Variants in EPRS1 observed in about 807,000 individuals in gnomAD.
EPRS1 encodes glutamyl-prolyl-tRNA synthetase 1.
Under a neutral mutation model 188.3 loss-of-function variants are expected in EPRS1, and 107 were observed. The ratio of observed to expected loss-of-function variants is 0.57; its 90% CI spans 0.49 to 0.67. The LOEUF is 0.67. Ranked by LOEUF, EPRS1 falls within the 30% of genes least tolerant of loss-of-function variation. The pLI is 0.00. For missense variants in EPRS1, 1,577 were observed against 1,802.2 expected, an observed-to-expected ratio of 0.88 and a Z score of 2.26; for synonymous variants, 596 against 593.1, an observed-to-expected ratio of 1.00 and a Z score of -0.07.
At chr1:220,011,139 C>T (rs1039666871) in intron 12 of EPRS1, 83 bp from the exon 13 acceptor site, 7 of 750,060 alleles carry the variant, frequency 9.3e-6, no homozygotes, top group African/African-American at 8.8e-5. Flanking sequence ...CACAGGAATA[C>T]TAACTGGCTT....
intron 21 of EPRS1, among the ~76,000 whole-genome samples, chr1:219,983,982 TAA>T (rs879344601): frequency 6.9e-6 from 1 of 145,070 alleles, no homozygotes. Context: ...TTATCTCACC[TAA>T]AAAAAAAAAA....
intron 14 of EPRS1, 40 bp downstream of exon 14, chr1:220,007,162 T>G: frequency 1.3e-6 from 2 of 1,540,136 alleles, no homozygotes; most frequent in Non-Finnish European, 1.8e-6. Flanking sequence ...TAAAATACTT[T>G]TCTCCTATGT....
At chr1:219,979,852 C>T (rs1660858943) in intron 26 of EPRS1, among the ~76,000 whole-genome samples, 2 of 152,050 alleles carry the variant, frequency 1.3e-5, no homozygotes, top group Admixed American at 1.3e-4. Context: ...AGTAATTTTA[C>T]CTACAACAGT....
At chr1:219,987,801 A>T (rs1396731978) in intron 19 of EPRS1, among the ~76,000 whole-genome samples, 1 of 152,226 alleles carries the variant, frequency 6.6e-6, no homozygotes, top group East Asian at 1.9e-4. Flanking sequence ...AATAGTAGTC[A>T]TGTGGCTGAA....
At chr1:219,974,990 C>A (rs937512137) in intron 28 of EPRS1, among the ~76,000 whole-genome samples, 1 of 152,130 alleles carries the variant, frequency 6.6e-6, no homozygotes, top group Admixed American at 6.6e-5. Flanking sequence ...GTAAATTATT[C>A]GTCCGAATTA....
Position 219,997,738 on chromosome 1 carries a change from T to A in EPRS1, c.2182-396A>T, listed in dbSNP as rs532891033. 9.9e-5 allele frequency among the ~76,000 whole-genome samples: 15 copies of A among 152,284 alleles called. No homozygotes were observed. The South Asian group carries it at 3.1e-3, about 32-fold the overall frequency. ...ACTATAAAAGGGGGATAACCATACT[T>A]AACCCATCAAGTTGATGGGAAAATA... On this transcript the variant is annotated intron_variant, in intron 17 of 31. Transcript: ENST00000366923.
chr1:220,027,190 C>T (rs961049864), intron 6 of EPRS1, among the ~76,000 whole-genome samples: 4 of 151,296 alleles, frequency 2.6e-5, no homozygotes, highest in East Asian at 2.0e-4. Context: ...TTTGGGAGGT[C>T]GAGGCAGGTG....
At chr1:219,974,409 T>C (rs1660735728) in intron 28 of EPRS1, among the ~76,000 whole-genome samples, 1 of 152,200 alleles carries the variant, frequency 6.6e-6, no homozygotes, top group African/African-American at 2.4e-5. Flanking sequence ...TGAATGTGTA[T>C]CCCGTAAGGG....
At chr1:219,976,754 T>C (rs1053153126) in intron 28 of EPRS1, among the ~76,000 whole-genome samples, 1 of 152,048 alleles carries the variant, frequency 6.6e-6, no homozygotes, top group Non-Finnish European at 1.5e-5. Flanking sequence ...TGAAAGGGGA[T>C]AATGAAAAGT....
chr1:220,009,043 C>T (rs1661550954), intron 13 of EPRS1, among the ~76,000 whole-genome samples: 3 of 152,114 alleles, frequency 2.0e-5, no homozygotes, highest in African/African-American at 7.2e-5. Context: ...CTTTTATTCT[C>T]AAGATTCAAA....
rs1263558383 is a variant in EPRS1 at position 220,001,171 on chromosome 1, C to A, written c.2148G>T (p.Lys716Asn). The stretch of plus-strand genomic sequence containing the variant: ...TTGTGGCTTCTACTTTGGTCTTTTC[C>A]TTTGACCCTGATGTTGGCATTTCCT... ...HTKEMPTSGS[K>N]EKTKVEATKN... The change falls in exon 17 of 32, where the codon AAG becomes AAT. Residue 716 changes from lysine to asparagine, a missense_variant. Lys to Asn is a moderately conservative substitution (Grantham distance 94, BLOSUM62 0). This residue lies in a region of EPRS1 where 1,278 missense variants were observed against 1,457.4 expected (regional missense o/e 0.88). Transcript: ENST00000366923. 1 of 1,613,528 alleles carries A rather than the reference C, an allele frequency of 6.2e-7. No individual in the cohort carries two copies. Among genetic ancestry groups the A allele is most frequent in the Non-Finnish European group, 8.5e-7 (1 of 1,179,622 alleles).
chr1:220,039,389 C>T (rs1253224166), intron 2 of EPRS1, among the ~76,000 whole-genome samples: 1 of 152,232 alleles, frequency 6.6e-6, no homozygotes. Context: ...AAACAGACTA[C>T]ATGGGGAATC....
intron 30 of EPRS1, 148 bp from the exon 31 acceptor site, chr1:219,969,270 C>T (rs2270712): frequency 0.47 from 295,650 of 628,682 alleles, 70,143 homozygotes; most frequent in South Asian, 0.52. Context: ...TGCAAACCTA[C>T]TAGGAACTTT....
rs74139256 is a variant in EPRS1 at position 219,975,152 on chromosome 1, G to C, written c.4084-1754C>G. ...CTGGATCCTACACTGAAAAAGGAGAGGGCCACTGGTAGCCCACAGCAGGGT... is the reference window on the plus strand; with the variant it reads ...CTGGATCCTACACTGAAAAAGGAGACGGCCACTGGTAGCCCACAGCAGGGT... On this transcript the variant is annotated intron_variant, in intron 28 of 31. Transcript: ENST00000366923. 4.2e-3 allele frequency among the ~76,000 whole-genome samples: 637 copies of C among 152,186 alleles called. 6 individuals are homozygous for C. Among genetic ancestry groups the C allele is most frequent in the African/African-American group, 0.015 (623 of 41,514 alleles).
intron 6 of EPRS1, among the ~76,000 whole-genome samples, chr1:220,026,236 C>A (rs1014986378): frequency 1.1e-4 from 16 of 152,136 alleles, no homozygotes; most frequent in African/African-American, 3.9e-4. Flanking sequence ...GTCTCATCAG[C>A]ACCAACACTC....
At position 220,032,474 on chromosome 1, in the gene EPRS1, T is replaced by A. The variant is rs759611029; in HGVS notation, c.441A>T (p.Val147=). Residue 147 remains valine, a synonymous_variant, in exon 5 of 32, where the codon GTA becomes GTT. Transcript: ENST00000366923. ...QLKQKKAPVH[V]KRWFGFLEAQ... Reference sequence around the variant, plus strand: ...CTTCAAGAAAGCCAAACCAACGTTTTACATGAACTGGAGCTTTCTTCTGTT... The same window carrying A: ...CTTCAAGAAAGCCAAACCAACGTTTAACATGAACTGGAGCTTTCTTCTGTT... 6.2e-7 allele frequency: 1 copy of A among 1,614,054 alleles called. No individual in the cohort carries two copies. The highest frequency in any genetic ancestry group is 8.5e-7 in the Non-Finnish European group (1 of 1,179,972).
At chr1:220,029,272 A>G (rs971142010) in intron 6 of EPRS1, among the ~76,000 whole-genome samples, 4 of 152,172 alleles carry the variant, frequency 2.6e-5, no homozygotes, top group African/African-American at 7.2e-5. Flanking sequence ...GAATCCACTT[A>G]GTCAATTACC....
intron 2 of EPRS1, among the ~76,000 whole-genome samples, chr1:220,038,390 C>CTTTTTTTTTTTTTTT (rs71169431): frequency 9.8e-6 from 1 of 101,590 alleles, no homozygotes. Context: ...CTCAGTTTAT[C>CTTTTTTTTTTTTTTT]TTTTTTTTTT....
chr1:220,038,670 G>A (rs539625255), intron 2 of EPRS1, among the ~76,000 whole-genome samples: 6 of 152,200 alleles, frequency 3.9e-5, no homozygotes, highest in South Asian at 2.1e-4. Flanking sequence ...GAGCCACTGC[G>A]CCTGGCCACA....
Sources: allele counts gnomAD v4.1 joint callset (sites outside exome capture counted in the v4.1 genomes callset), GRCh38; gene constraint gnomAD v4.1.1; regional missense constraint gnomAD v4.1.1; transcripts MANE v1.5; gene names NCBI Gene and HGNC (gene_info 2026-07-23, HGNC 2026-07-21).